LRMDA: variants seen among roughly 807,000 people sequenced by gnomAD.
LRMDA encodes leucine-rich melanocyte differentiation-associated protein.
Under a neutral mutation model 29.8 loss-of-function variants are expected in LRMDA, and 18 were observed. The observed-to-expected ratio is 0.60, with a 90% CI of 0.42 to 0.90. The LOEUF is 0.90. Among genes scored for constraint, LRMDA ranks in the 40% least tolerant of loss-of-function variants. The pLI is 0.00. For missense variants in LRMDA, 273 were observed against 273.9 expected (o/e 1.00, Z 0.02); for synonymous variants, 125 against 109.4 (o/e 1.14, Z -0.89).
intron 5 of LRMDA, among the ~76,000 whole-genome samples, chr10:76,306,083 A>G (rs1001024683): frequency 6.6e-6 from 1 of 152,236 alleles, no homozygotes. Context: ...CTTATCTAGA[A>G]AGGTACACAG....
intron 6 of LRMDA, among the ~76,000 whole-genome samples, chr10:76,551,026 C>T (rs1307854745): frequency 6.6e-6 from 1 of 152,194 alleles, no homozygotes; most frequent in Non-Finnish European, 1.5e-5. Flanking sequence ...GTGTTTATTC[C>T]TTTCCAGTTC....
In LRMDA at chr10:75,482,768, G is replaced by C. The variant is rs74536985; in HGVS notation, c.131+44274G>C. Among the ~76,000 whole-genome samples, 1,319 of 152,272 alleles carry C rather than the reference G, an allele frequency of 8.7e-3. 16 individuals carry two copies. Among genetic ancestry groups the C allele is most frequent in the African/African-American group, 0.025 (1,039 of 41,544 alleles). On this transcript the variant is annotated intron_variant, in intron 2 of 6. Coordinates refer to ENST00000611255, the MANE Select transcript of LRMDA (RefSeq NM_001305581.2). ...TTCAATTATAATACTTCACTGACCT[G>C]AAACAAATATGATAGCTTTTTAGAA...
At chr10:76,332,170 A>C (rs1201179082) in intron 6 of LRMDA, among the ~76,000 whole-genome samples, 2 of 151,802 alleles carry the variant, frequency 1.3e-5, no homozygotes, top group African/African-American at 4.8e-5. Flanking sequence ...GCATATATAT[A>C]GATAGATGTG....
intron 5 of LRMDA, among the ~76,000 whole-genome samples, chr10:76,281,171 G>C (rs184724848): frequency 6.6e-6 from 1 of 152,094 alleles, no homozygotes; most frequent in Non-Finnish European, 1.5e-5. Flanking sequence ...GAAGAGCAAA[G>C]GTCTTTTCTA....
At chr10:76,240,179 TACACACACACACACCACACAC>T (rs1194281659) in intron 5 of LRMDA, among the ~76,000 whole-genome samples, 1 of 148,562 alleles carries the variant, frequency 6.7e-6, no homozygotes, top group African/African-American at 2.5e-5. Context: ...CAAAATCGCA[TACACACACACACACCACACAC>T]ACACACACAC....
intron 2 of LRMDA, among the ~76,000 whole-genome samples, chr10:75,694,999 G>A (rs1246971363): frequency 6.6e-6 from 1 of 152,126 alleles, no homozygotes; most frequent in African/African-American, 2.4e-5. Context: ...TGCATCCTGG[G>A]TGTGAGTTTG....
intron 2 of LRMDA, among the ~76,000 whole-genome samples, chr10:75,588,313 A>G (rs1840680329): frequency 6.6e-6 from 1 of 152,222 alleles, no homozygotes. Context: ...GACTTGGGAA[A>G]TGTGCTACCA....
intron 2 of LRMDA, among the ~76,000 whole-genome samples, chr10:75,454,248 A>C (rs557163117): frequency 6.6e-6 from 1 of 152,226 alleles, no homozygotes; most frequent in Admixed American, 6.5e-5. Flanking sequence ...GGAAGGTTTG[A>C]GTAATATTTT....
intron 6 of LRMDA, among the ~76,000 whole-genome samples, chr10:76,460,949 T>A (rs1842506383): frequency 6.6e-6 from 1 of 152,216 alleles, no homozygotes; most frequent in African/African-American, 2.4e-5. Context: ...ATGTTTCTTC[T>A]TATATGATCT....
At chr10:76,444,781 G>GA (rs552786013) in intron 6 of LRMDA, among the ~76,000 whole-genome samples, 23 of 152,102 alleles carry the variant, frequency 1.5e-4, no homozygotes, top group Admixed American at 5.2e-4. Context: ...GGACAATGGG[G>GA]AAAAAAAGTT....
chr10:75,655,208 A>G (rs1028838487), intron 2 of LRMDA, among the ~76,000 whole-genome samples: 1 of 152,234 alleles, frequency 6.6e-6, no homozygotes, highest in Non-Finnish European at 1.5e-5. Context: ...TACATTTCCT[A>G]TTATAACTAA....
intron 2 of LRMDA, among the ~76,000 whole-genome samples, chr10:75,987,061 C>T (rs1464422740): frequency 2.0e-5 from 3 of 152,076 alleles, no homozygotes; most frequent in African/African-American, 7.2e-5. Context: ...GTTTCTATTA[C>T]GTGTGGATTT....
At chr10:75,692,219 A>AAAAAATATATATATATAT (rs1353540469) in intron 2 of LRMDA, among the ~76,000 whole-genome samples, 1 of 87,548 alleles carries the variant, frequency 1.1e-5, no homozygotes, top group African/African-American at 5.5e-5. Flanking sequence ...AAAAAAAAAA[A>AAAAAATATATATATATAT]ATATATATAT....
In LRMDA at chr10:75,973,639, C is replaced by G. The variant is rs151000320; in HGVS notation, c.132-62369C>G. Among the ~76,000 whole-genome samples the G allele has an allele frequency of 3.9e-3, 587 of 152,214 alleles. 8 individuals are homozygous for G. Among genetic ancestry groups the G allele is most frequent in the African/African-American group, 0.013 (549 of 41,512 alleles). On this transcript the variant is annotated intron_variant, in intron 2 of 6. Transcript: ENST00000611255. ...TTCACCATGTTAGCCAGGCTGGTCT[C>G]GAATTCCTGACCTCAGGTGATCCAC...
intron 6 of LRMDA, among the ~76,000 whole-genome samples, chr10:76,455,128 T>C (rs1463918230): frequency 6.6e-6 from 1 of 152,086 alleles, no homozygotes; most frequent in Non-Finnish European, 1.5e-5. Context: ...ATAGAAGAAA[T>C]TGTCTCCTAG....
intron 6 of LRMDA, among the ~76,000 whole-genome samples, chr10:76,448,402 TAA>T (rs1399916387): frequency 3.5e-4 from 53 of 152,146 alleles, no homozygotes; most frequent in Admixed American, 3.4e-3. Context: ...AATTACTTAG[TAA>T]AAGAGTATGA....
rs1554894323 is a variant in LRMDA, at chr10:75,493,348, G to GGGGTGT, written c.131+54855_131+54856insGGTGTG. Among the ~76,000 whole-genome samples, 411 of 133,346 alleles carry GGGGTGT rather than the reference G, an allele frequency of 3.1e-3. 8 individuals carry two copies. The highest frequency in any genetic ancestry group is 0.015 in the Admixed American group (199 of 13,170). The allele number at this position is 133,346 out of a possible 152,430, so 87.5% of individuals were successfully genotyped here. On this transcript the variant is annotated intron_variant, in intron 2 of 6. Coordinates refer to ENST00000611255, the MANE Select transcript of LRMDA (RefSeq NM_001305581.2). ...AGAGAGCCATAGAGGGTTGAGATTG[G>GGGGTGT]GTGTGTGTGTGTGTGTGTGTGTGTG...
chr10:75,552,431 C>CCT, intron 2 of LRMDA: 1 of 285,254 alleles, frequency 3.5e-6, no homozygotes, highest in Non-Finnish European at 7.7e-6. Context: ...TTTTTCCCCC[C>CCT]CCTCTGGCTG....
chr10:75,949,110 G>A (rs144944590), intron 2 of LRMDA, among the ~76,000 whole-genome samples: 60 of 152,172 alleles, frequency 3.9e-4, no homozygotes, highest in African/African-American at 1.2e-3. Flanking sequence ...TTGCTGCAGC[G>A]TACTAGCATG....
Sources: gnomAD v4.1 joint callset for allele counts (sites outside exome capture counted in the v4.1 genomes callset) on GRCh38, gnomAD v4.1.1 for gene constraint, MANE v1.5 for transcripts, NCBI Gene and HGNC (gene_info 2026-07-23, HGNC 2026-07-21) for gene names.